The following GABRA3 variants were observed in gnomAD, a reference collection of about 807,000 sequenced individuals.
The protein encoded by GABRA3 is gamma-aminobutyric acid receptor subunit alpha-3.
GABRA3 carries 10 observed loss-of-function variants against 30.1 expected under a neutral mutation model. That is an observed-to-expected ratio of 0.33 (90% CI 0.20 to 0.56). The LOEUF (loss-of-function observed/expected upper bound fraction) is 0.56, where lower values mean the gene tolerates loss of function less well. GABRA3 is among the 20% of genes least tolerant of loss of function. The pLI, the probability that GABRA3 is intolerant of heterozygous loss-of-function variation, is 0.89. For synonymous variants in GABRA3, 151 were observed against 146.8 expected (o/e 1.03, Z -0.21); for missense variants, 233 against 392.0 (o/e 0.59, Z 3.42).
At chrX:152,384,023 G>A (rs1336062931) in intron 1 of GABRA3, among the ~76,000 whole-genome samples, 2 of 105,862 alleles carry the variant, frequency 1.9e-5, no homozygotes, top group African/African-American at 3.4e-5. Context: ...AACAAACTCA[G>A]TAAAGTTGAA....
intron 3 of GABRA3, among the ~76,000 whole-genome samples, chrX:152,310,208 C>A (rs1939778796): frequency 8.9e-6 from 1 of 112,131 alleles, no homozygotes; most frequent in Non-Finnish European, 1.9e-5. Context: ...AATCCACTGA[C>A]AGTGTTAGAA....
At chrX:152,263,469 G>T (rs772909774) in intron 4 of GABRA3, among the ~76,000 whole-genome samples, 1 of 110,153 alleles carries the variant, frequency 9.1e-6, no homozygotes, top group African/African-American at 3.3e-5. Context: ...AGTAGAATGA[G>T]TCAAGCAGAA....
intron 7 of GABRA3, among the ~76,000 whole-genome samples, chrX:152,203,593 C>T (rs776635132): frequency 1.8e-5 from 2 of 111,865 alleles, no homozygotes; most frequent in South Asian, 3.8e-4. Context: ...TAAAATGGGT[C>T]TCACTGTGCT....
intron 1 of GABRA3, among the ~76,000 whole-genome samples, chrX:152,436,970 G>T (rs1211300315): frequency 9.0e-6 from 1 of 111,077 alleles, no homozygotes; most frequent in East Asian, 2.8e-4. Context: ...ATTATATATT[G>T]TATTATAGAA....
At chrX:152,440,461 C>A (rs1451722724) in intron 1 of GABRA3, among the ~76,000 whole-genome samples, 1 of 112,066 alleles carries the variant, frequency 8.9e-6, no homozygotes, top group African/African-American at 3.2e-5. Context: ...GACAGTGTGG[C>A]AATTCCTCAA....
At chrX:152,199,165 G>C (rs966159596) in intron 7 of GABRA3, among the ~76,000 whole-genome samples, 4 of 110,344 alleles carry the variant, frequency 3.6e-5, no homozygotes, top group Non-Finnish European at 5.7e-5. Flanking sequence ...AGGAGATCGA[G>C]ACCATCCTGG....
At chrX:152,185,680 AG>A (rs745704562) in intron 9 of GABRA3, among the ~76,000 whole-genome samples, 24 of 111,846 alleles carry the variant, frequency 2.1e-4, no homozygotes, top group Admixed American at 2.1e-3. Context: ...CATAATAAAA[AG>A]GGCTTATCCT....
intron 3 of GABRA3, among the ~76,000 whole-genome samples, chrX:152,312,975 G>A (rs1054067901): frequency 1.8e-5 from 2 of 111,641 alleles, no homozygotes; most frequent in African/African-American, 6.5e-5. Context: ...TACTGTATAA[G>A]GTAAACTTTA....
chrX:152,178,847 C>T (rs1416318653), intron 9 of GABRA3, among the ~76,000 whole-genome samples: 1 of 111,694 alleles, frequency 9.0e-6, no homozygotes, highest in African/African-American at 3.2e-5. Context: ...TTTTAATTCT[C>T]TTAGGTGATA....
intron 6 of GABRA3, among the ~76,000 whole-genome samples, chrX:152,213,324 G>A (rs1175834533): frequency 1.8e-5 from 2 of 111,604 alleles, no homozygotes; most frequent in East Asian, 5.7e-4. Flanking sequence ...AAACATCTGA[G>A]GCCTCATCAC....
rs184180844 is a variant in GABRA3, at chrX:152,291,035, T to A, written c.263-6300A>T. Reference sequence around the variant, plus strand: ...TCCATATGAACTTTAAAGTAGTTTTTTTCCAATTCTGTGAAGAAAGTCATT... The same window carrying A: ...TCCATATGAACTTTAAAGTAGTTTTATTCCAATTCTGTGAAGAAAGTCATT... On this transcript the variant is annotated intron_variant, in intron 3 of 9. Coordinates refer to ENST00000370314, the MANE Select transcript of GABRA3 (RefSeq NM_000808.4). Among the ~76,000 whole-genome samples, 7 of 112,001 alleles carry A rather than the reference T, an allele frequency of 6.2e-5. No homozygotes were observed. In the East Asian group the frequency reaches 2.0e-3, roughly 31 times the overall value.
chrX:152,224,799 T>C lies in GABRA3; in HGVS notation c.598A>G (p.Met200Val). 1 of 1,200,098 alleles carries C rather than the reference T, an allele frequency of 8.3e-7. No individual in the cohort carries two copies. Among genetic ancestry groups the C allele is most frequent in the Non-Finnish European group, 1.1e-6 (1 of 887,362 alleles). Reference protein sequence around the residue: ...ECPMHLEDFPMDVHACPLKFG... With the variant: ...ECPMHLEDFPVDVHACPLKFG... ...TTCAGTGGGCAGGCATGCACATCCA[T>C]GGGAAAATCTTCCAAATGCATGGGA... Residue 200 changes from methionine to valine, a missense_variant, in exon 6 of 10, where the codon ATG becomes GTG. Physicochemically the swap from Met to Val is conservative, Grantham distance 21. This residue lies in a region of GABRA3 where 42 missense variants were observed against 116.2 expected (regional missense o/e 0.36). Transcript: ENST00000370314.
intron 2 of GABRA3, among the ~76,000 whole-genome samples, chrX:152,354,649 T>C (rs1200266108): frequency 3.6e-5 from 4 of 111,515 alleles, no homozygotes; most frequent in African/African-American, 9.8e-5. Context: ...GCCCTATAAC[T>C]AGGAGGTGTT....
chrX:152,268,287 G>A (rs1938865628), intron 4 of GABRA3, among the ~76,000 whole-genome samples: 1 of 111,689 alleles, frequency 9.0e-6, no homozygotes, highest in Non-Finnish European at 1.9e-5. Flanking sequence ...CATGTCATGG[G>A]AGGGACCCGG....
intron 3 of GABRA3, among the ~76,000 whole-genome samples, chrX:152,296,445 C>A (rs907687088): frequency 9.0e-6 from 1 of 111,722 alleles, no homozygotes; most frequent in African/African-American, 3.3e-5. Context: ...CATAGATAAA[C>A]ACTCTGGAAG....
intron 5 of GABRA3, among the ~76,000 whole-genome samples, chrX:152,225,404 G>GCACACACACACATGCA (rs1569360998): frequency 2.5e-4 from 19 of 74,721 alleles, no homozygotes; most frequent in African/African-American, 1.0e-3. Flanking sequence ...CCACACACAC[G>GCACACACACACATGCA]CACACACACA....
rs1387981334 is a variant in GABRA3, at chrX:152,432,641, TA to T, written c.-27+18504del. On this transcript the variant is annotated intron_variant, in intron 1 of 9. Coordinates refer to ENST00000370314, the MANE Select transcript of GABRA3 (RefSeq NM_000808.4). Reference sequence around the variant, plus strand: ...CTCCCTCCTAACACTCTGCATACAATAAAAAAAGAATGGGATCACACCAGGA... The same window carrying T: ...CTCCCTCCTAACACTCTGCATACAATAAAAAAGAATGGGATCACACCAGGA... Among the ~76,000 whole-genome samples the T allele has an allele frequency of 7.2e-5, 8 of 110,616 alleles. 2 individuals are homozygous for T. Among genetic ancestry groups the T allele is most frequent in the Admixed American group, 6.7e-4 (7 of 10,382 alleles).
chrX:152,238,974 T>C (rs1172742526), intron 5 of GABRA3, among the ~76,000 whole-genome samples: 6 of 111,142 alleles, frequency 5.4e-5, no homozygotes, highest in African/African-American at 2.0e-4. Context: ...TTTGAAGGGT[T>C]TCTTGTGTCT....
At chrX:152,440,696 A>T (rs1336285557) in intron 1 of GABRA3, among the ~76,000 whole-genome samples, 1 of 112,194 alleles carries the variant, frequency 8.9e-6, no homozygotes, top group Non-Finnish European at 1.9e-5. Context: ...AAAAAGGATG[A>T]GTTCATGTCC....
Sources: gnomAD v4.1 joint callset for allele counts (sites outside exome capture counted in the v4.1 genomes callset) on GRCh38, gnomAD v4.1.1 for gene constraint, gnomAD v4.1.1 regional missense constraint, MANE v1.5 for transcripts, NCBI Gene and HGNC (gene_info 2026-07-23, HGNC 2026-07-21) for gene names.